MGAT4D: variants seen among roughly 807,000 people sequenced by gnomAD.
MGAT4D encodes the protein alpha-1,3-mannosyl-glycoprotein 4-beta-N-acetylglucosaminyltransferase-like protein MGAT4D.
Under a neutral mutation model 15.9 loss-of-function variants are expected in MGAT4D, and 34 were observed. That is an observed-to-expected ratio of 2.14 (90% confidence interval 1.62 to 2.84). The LOEUF is 2.84. Among genes scored for constraint, MGAT4D ranks in the 30% most tolerant of loss-of-function variants. MGAT4D has a pLI of 0.00. For synonymous variants in MGAT4D, 112 were observed against 48.2 expected (o/e 2.33, Z -5.49); for missense variants, 327 against 140.2 (o/e 2.33, Z -6.73).
chr4:140,446,321 T>A (rs1730119013), intron 10 of MGAT4D, among the ~76,000 whole-genome samples: 1 of 152,276 alleles, frequency 6.6e-6, no homozygotes, highest in Non-Finnish European at 1.5e-5. Flanking sequence ...TTCAGTAGGC[T>A]ATTTATTACT....
chr4:140,485,915 A>G (rs1440556947), intron 1 of MGAT4D, among the ~76,000 whole-genome samples: 2 of 147,668 alleles, frequency 1.4e-5, no homozygotes, highest in Non-Finnish European at 3.0e-5. Context: ...TCTGAAGAAG[A>G]GCACACAAGT....
chr4:140,482,235 G>A, intron 2 of MGAT4D, 92 bp downstream of exon 2: 1 of 544,992 alleles, frequency 1.8e-6, no homozygotes, highest in East Asian at 3.1e-5. Context: ...TACTGATATA[G>A]TTAAGTTTAT....
chr4:140,456,760 T>C (rs971712462), intron 8 of MGAT4D, 41 bp from the exon 9 acceptor site: 6 of 602,012 alleles, frequency 1.0e-5, no homozygotes, highest in African/African-American at 5.6e-5. Context: ...AATTCATATG[T>C]AGTTGTTCAT....
At chr4:140,449,058 C>T (rs112409532) in intron 10 of MGAT4D, among the ~76,000 whole-genome samples, 1 of 152,158 alleles carries the variant, frequency 6.6e-6, no homozygotes, top group African/African-American at 2.4e-5. Context: ...GCCCTATGCC[C>T]AGTGCACTGT....
At chr4:140,454,240 GGATTTCTCTAGATGCTCTTTAA>G (rs1335305062) in intron 9 of MGAT4D, among the ~76,000 whole-genome samples, 1 of 151,932 alleles carries the variant, frequency 6.6e-6, no homozygotes, top group African/African-American at 2.4e-5. Context: ...GTTGGCTATG[GGATTTCTCTAGATGCTCTTTAA>G]CATGTCAGAG....
rs574362534 is a variant in MGAT4D, at chr4:140,492,089, A to T, written c.94+6040T>A. Among the ~76,000 whole-genome samples the T allele has an allele frequency of 1.5e-4, 23 of 152,340 alleles. No individual in the cohort carries two copies. The South Asian group carries it at 4.8e-3, about 32-fold the overall frequency. On this transcript the variant is annotated intron_variant, in intron 1 of 10. Coordinates refer to ENST00000511113, the MANE Select transcript of MGAT4D (RefSeq NM_001277353.2). ...GTAATGCAGTACTAGCTTGGGGTAC[A>T]GCCTTTAACTGGCTTGGCAGTTTCC...
chr4:140,456,806 T>G, intron 8 of MGAT4D, 87 bp from the exon 9 acceptor site: 1 of 542,286 alleles, frequency 1.8e-6, no homozygotes, highest in African/African-American at 1.9e-5. Context: ...GTTATTAAAA[T>G]TTAAATATGT....
At chr4:140,483,820 C>T (rs534534921) in intron 1 of MGAT4D, among the ~76,000 whole-genome samples, 64 of 151,662 alleles carry the variant, frequency 4.2e-4, no homozygotes, top group South Asian at 8.4e-4. Context: ...TGCAGAAGAA[C>T]GAAATTAGAT....
rs913512081 is a variant in MGAT4D at position 140,469,899 on chromosome 4, C to T, written c.572+1876G>A. ...GCTGCTCACAGCTCACACTGCACAT[C>T]GCACCCCTCTGCTCTGCAGTGCATC... On this transcript the variant is annotated intron_variant, in intron 5 of 10. Coordinates refer to ENST00000511113, the MANE Select transcript of MGAT4D (RefSeq NM_001277353.2). 3.9e-5 allele frequency among the ~76,000 whole-genome samples: 6 copies of T among 152,382 alleles called. No individual in the cohort carries two copies. The East Asian group carries it at 1.2e-3, about 29-fold the overall frequency.
intron 10 of MGAT4D, chr4:140,449,899 T>C (rs1730366509): frequency 4.9e-6 from 1 of 205,082 alleles, no homozygotes; most frequent in South Asian, 1.9e-4. Flanking sequence ...ATTCATAGAA[T>C]GTAATAACTT....
chr4:140,482,736 G>A (rs190483864), intron 1 of MGAT4D, among the ~76,000 whole-genome samples: 2 of 152,068 alleles, frequency 1.3e-5, no homozygotes, highest in Admixed American at 1.3e-4. Flanking sequence ...AGGAAGGTGG[G>A]ATTATAAATG....
Position 140,462,840 on chromosome 4 carries a change from G to A in MGAT4D, c.687-836C>T, listed in dbSNP as rs561835124. Among the ~76,000 whole-genome samples the A allele has an allele frequency of 3.9e-5, 6 of 152,262 alleles. 1 individual carries two copies. Among genetic ancestry groups the A allele is most frequent in the African/African-American group, 1.4e-4 (6 of 41,550 alleles). On this transcript the variant is annotated intron_variant, in intron 6 of 10. Coordinates refer to ENST00000511113, the MANE Select transcript of MGAT4D (RefSeq NM_001277353.2). ...GGCGGATAGGAGACAGGACTAATGC[G>A]CAGCTCCTGCTTGGCCAGGCAGAAC...
chr4:140,448,951 T>C (rs1714767849), intron 10 of MGAT4D, among the ~76,000 whole-genome samples: 1 of 152,188 alleles, frequency 6.6e-6, no homozygotes, highest in African/African-American at 2.4e-5. Flanking sequence ...AAATGAGACA[T>C]ACATGAAAAA....
Position 140,498,282 on chromosome 4 carries a change from G to T in MGAT4D, c.-60C>A. ...AGGCGGCGGATAATGCCAGGGACGG[G>T]GTTGAGCGCGCAGAGCCCCCTCCCC... On this transcript the variant is annotated 5_prime_UTR_variant, in exon 1 of 11. Transcript: ENST00000511113. The T allele has an allele frequency of 1.4e-6, 1 of 692,572 alleles. No individual in the cohort carries two copies. Among genetic ancestry groups the T allele is most frequent in the South Asian group, 1.5e-5 (1 of 66,410 alleles). The allele number at this position is 692,572 out of a possible 1,614,324, so 42.9% of individuals were successfully genotyped here. A position where few individuals can be genotyped will look rare whatever the true frequency, so the allele number is the denominator to read the frequency against.
At chr4:140,446,867 T>C (rs186792345) in intron 10 of MGAT4D, among the ~76,000 whole-genome samples, 17 of 149,038 alleles carry the variant, frequency 1.1e-4, no homozygotes, top group Admixed American at 4.1e-4. Context: ...CTCTTAACAC[T>C]GCCTTAGCTG....
chr4:140,496,317 A>G (rs1270302388), intron 1 of MGAT4D, among the ~76,000 whole-genome samples: 1 of 152,216 alleles, frequency 6.6e-6, no homozygotes, highest in Admixed American at 6.5e-5. Context: ...AAATGAAAAA[A>G]TCTGATTTGT....
At chr4:140,455,931 G>A (rs540269741) in intron 9 of MGAT4D, among the ~76,000 whole-genome samples, 2 of 152,202 alleles carry the variant, frequency 1.3e-5, no homozygotes, top group African/African-American at 4.8e-5. Flanking sequence ...GAGCCTAGGA[G>A]CTTTAGACCA....
intron 2 of MGAT4D, among the ~76,000 whole-genome samples, chr4:140,480,033 G>C (rs2126815705): frequency 6.6e-6 from 1 of 152,212 alleles, no homozygotes; most frequent in East Asian, 1.9e-4. Flanking sequence ...TTCATTAGAA[G>C]TTGCCTCTAC....
intron 1 of MGAT4D, among the ~76,000 whole-genome samples, chr4:140,489,111 G>A (rs17330336): frequency 1.3e-5 from 2 of 152,094 alleles, no homozygotes; most frequent in Non-Finnish European, 1.5e-5. Flanking sequence ...AGTCACTCAG[G>A]GGGTAAATAG....
Sources: allele counts gnomAD v4.1 joint callset (sites outside exome capture counted in the v4.1 genomes callset), GRCh38; gene constraint gnomAD v4.1.1; transcripts MANE v1.5; gene names NCBI Gene and HGNC (gene_info 2026-07-23, HGNC 2026-07-21).